The following SFMBT2 variants were observed in gnomAD, a reference collection of about 807,000 sequenced individuals.
SFMBT2 encodes Scm like with four mbt domains 2.
Under a neutral mutation model 110.1 loss-of-function variants are expected in SFMBT2, and 38 were observed. That is an observed-to-expected ratio of 0.35 (90% CI 0.27 to 0.45). The LOEUF is 0.45. Among genes scored for constraint, SFMBT2 ranks in the 20% least tolerant of loss-of-function variants. The probability of loss-of-function intolerance (pLI) is 1.00; values close to 1 mark genes in which losing one functional copy is unlikely to be tolerated. For missense variants in SFMBT2, 1,011 were observed against 1,094.9 expected, an observed-to-expected ratio of 0.92 and a Z score of 1.08; for synonymous variants, 425 against 425.4, an observed-to-expected ratio of 1.00 and a Z score of 0.01.
rs1321101971 is a variant in SFMBT2 at position 7,171,634 on chromosome 10, C to T, written c.2415+261G>A. 15 of 940,276 alleles carry T rather than the reference C, an allele frequency of 1.6e-5. No homozygotes were observed. The Admixed American group carries it at 9.2e-4, about 58-fold the overall frequency. 58.2% of individuals were successfully genotyped at this position (940,276 alleles called of 1,614,324 possible). On this transcript the variant is annotated intron_variant, in intron 19 of 20. Coordinates refer to ENST00000397167, the MANE Select transcript of SFMBT2 (RefSeq NM_001387889.1). This position sits in a 1 kb window ranked among gnomAD's most constrained non-coding sequence, Gnocchi z 4.9. ...AGGAAACTGAGGACTGTGCCCTCCT[C>T]CTGACAAGAACCCAGGTGGCACTAA...
intron 4 of SFMBT2, among the ~76,000 whole-genome samples, chr10:7,333,037 T>G (rs917661261): frequency 2.0e-5 from 3 of 152,154 alleles, no homozygotes; most frequent in East Asian, 3.9e-4. Context: ...CAGCTAATTT[T>G]TGTACTTTTA....
intron 4 of SFMBT2, among the ~76,000 whole-genome samples, chr10:7,340,003 A>C (rs1843840465): frequency 6.6e-6 from 1 of 152,134 alleles, no homozygotes; most frequent in African/African-American, 2.4e-5. Flanking sequence ...ACACTAACCA[A>C]TTCACACAGG....
chr10:7,228,417 A>G (rs1358112990), intron 9 of SFMBT2: 1 of 795,226 alleles, frequency 1.3e-6, no homozygotes, highest in African/African-American at 1.9e-5. Context: ...ACGACTTTTT[A>G]AAAAGTAACA....
chr10:7,302,776 C>A (rs1842588667), intron 4 of SFMBT2, among the ~76,000 whole-genome samples: 1 of 152,104 alleles, frequency 6.6e-6, no homozygotes, highest in East Asian at 1.9e-4. Context: ...GTCCCCGCGC[C>A]TAAAATACAA....
intron 9 of SFMBT2, among the ~76,000 whole-genome samples, chr10:7,238,827 T>A (rs1311198930): frequency 1.3e-5 from 2 of 152,252 alleles, no homozygotes; most frequent in African/African-American, 4.8e-5. Flanking sequence ...ATGAAATAAT[T>A]TTAAAATAGA....
chr10:7,343,622 G>T (rs1843999521), intron 4 of SFMBT2, among the ~76,000 whole-genome samples: 1 of 151,940 alleles, frequency 6.6e-6, no homozygotes, highest in South Asian at 2.1e-4. Context: ...GTTTTGATTT[G>T]CATTTCCCTA....
rs375144116 is a variant in SFMBT2, at chr10:7,202,502, C to A, written c.1465G>T (p.Ala489Ser). The change falls in exon 13 of 21, where the codon GCA (alanine) becomes TCA (serine). Residue 489 changes from alanine (A) to serine (S), a missense_variant. Around this residue, in one of 2 missense-constraint regions of SFMBT2, gnomAD observed 979 missense variants for 1,016.1 expected, o/e 0.96. Coordinates refer to ENST00000397167, the MANE Select transcript of SFMBT2 (RefSeq NM_001387889.1). ...TACTGTTTCTCTGGTTGCACGACTG[C>A]AATCTTTCTCTTCTTTTGTGCTGTA... ...KTVSQKKRKIAVVQPEKQLPP... is the reference protein window; with the variant it reads ...KTVSQKKRKISVVQPEKQLPP... 5 of 1,614,184 alleles carry A rather than the reference C, an allele frequency of 3.1e-6. No homozygotes were observed. In the Admixed American group the frequency reaches 8.3e-5, roughly 27 times the overall value.
intron 8 of SFMBT2, among the ~76,000 whole-genome samples, chr10:7,248,302 C>T (rs1032219759): frequency 6.6e-6 from 1 of 152,236 alleles, no homozygotes; most frequent in Admixed American, 6.5e-5. Context: ...GGACAACTAT[C>T]AGAAGACAAG....
intron 2 of SFMBT2, among the ~76,000 whole-genome samples, chr10:7,375,328 A>C (rs1475748397): frequency 2.0e-5 from 3 of 152,192 alleles, no homozygotes; most frequent in African/African-American, 7.2e-5. Flanking sequence ...GGGTTTGTAC[A>C]ATTTTACAAT....
intron 16 of SFMBT2, among the ~76,000 whole-genome samples, chr10:7,180,386 G>T (rs769919429): frequency 1.6e-4 from 24 of 150,594 alleles, no homozygotes; most frequent in Non-Finnish European, 3.2e-4. Flanking sequence ...TGATCTGCCC[G>T]CCTTGGCCTC....
intron 7 of SFMBT2, among the ~76,000 whole-genome samples, chr10:7,271,351 C>T (rs572640912): frequency 3.3e-5 from 5 of 149,326 alleles, no homozygotes; most frequent in Non-Finnish European, 5.9e-5. Flanking sequence ...CATGAATTCA[C>T]GCATTTATTG....
At chr10:7,216,440 C>T (rs537496458) in intron 11 of SFMBT2, among the ~76,000 whole-genome samples, 70 of 152,262 alleles carry the variant, frequency 4.6e-4, no homozygotes, top group Non-Finnish European at 6.8e-4. Context: ...CCATGTAAGA[C>T]GTGATTTTCA....
intron 12 of SFMBT2, chr10:7,205,263 CT>C (rs548641228): frequency 6.9e-4 from 207 of 298,960 alleles, no homozygotes; most frequent in African/African-American, 4.5e-3. Flanking sequence ...ATATGTACTT[CT>C]TTTTTTACGT....
intron 7 of SFMBT2, among the ~76,000 whole-genome samples, chr10:7,257,123 G>A (rs185686171): frequency 4.6e-5 from 6 of 129,296 alleles, no homozygotes; most frequent in Admixed American, 1.7e-4. Flanking sequence ...GAGGGGAGGG[G>A]AAAGAAAAGA....
intron 15 of SFMBT2, among the ~76,000 whole-genome samples, chr10:7,189,493 C>T (rs1259942743): frequency 2.0e-5 from 3 of 152,222 alleles, no homozygotes; most frequent in African/African-American, 7.2e-5. Context: ...GGACCTCAGA[C>T]CCCTAAGGTG....
rs1482608226 is a variant in SFMBT2 at position 7,163,512 on chromosome 10, G to A, written c.*258C>T. Reference sequence around the variant, plus strand: ...CAGGAGAAAGGCAAAACGTGGGTGAGCCAAGAAGCAGGCCCACGTCTGGCA... The same window carrying A: ...CAGGAGAAAGGCAAAACGTGGGTGAACCAAGAAGCAGGCCCACGTCTGGCA... On this transcript the variant is annotated 3_prime_UTR_variant, in exon 21 of 21. Coordinates refer to ENST00000397167, the MANE Select transcript of SFMBT2 (RefSeq NM_001387889.1). This position sits in a 1 kb window ranked among gnomAD's most constrained non-coding sequence, Gnocchi z 4.8. 7.4e-6 allele frequency: 3 copies of A among 407,002 alleles called. No individual in the cohort carries two copies. Among genetic ancestry groups the A allele is most frequent in the South Asian group, 3.7e-5 (1 of 27,324 alleles). 25.2% of individuals were successfully genotyped at this position (407,002 alleles called of 1,614,324 possible).
At chr10:7,169,469 G>A (rs1837805074) in intron 20 of SFMBT2, among the ~76,000 whole-genome samples, 1 of 152,158 alleles carries the variant, frequency 6.6e-6, no homozygotes, top group Non-Finnish European at 1.5e-5. Flanking sequence ...AATTTTCTGG[G>A]TACACAGGAA....
At chr10:7,228,276 T>C (rs2131672638) in intron 9 of SFMBT2, 1 of 395,998 alleles carries the variant, frequency 2.5e-6, no homozygotes, top group East Asian at 1.6e-4. Flanking sequence ...TGTGCAGAGA[T>C]AGACAATGAC....
chr10:7,399,420 CG>C (rs1462486879), intron 1 of SFMBT2, among the ~76,000 whole-genome samples: 1 of 151,954 alleles, frequency 6.6e-6, no homozygotes, highest in Non-Finnish European at 1.5e-5. Context: ...TTAGTAGAGA[CG>C]GGGTTTCACC....
Sources: gnomAD v4.1 joint callset for allele counts (sites outside exome capture counted in the v4.1 genomes callset) on GRCh38, gnomAD v4.1.1 for gene constraint, gnomAD v4.1.1 regional missense constraint, Gnocchi (gnomAD v3.1) non-coding constraint, MANE v1.5 for transcripts, NCBI Gene and HGNC (gene_info 2026-07-23, HGNC 2026-07-21) for gene names.